The following TP63 variants were observed in gnomAD, a reference collection of about 807,000 sequenced individuals.
The protein encoded by TP63 is tumor protein 63.
In TP63, 17 loss-of-function variants were observed where a neutral mutation model predicts 82.8. The ratio of observed to expected loss-of-function variants is 0.21; its 90% CI spans 0.14 to 0.31. The LOEUF (loss-of-function observed/expected upper bound fraction) is 0.31, where lower values mean the gene tolerates loss of function less well. TP63 is among the 10% of genes least tolerant of loss of function. TP63 has a pLI of 1.00. For missense variants in TP63, 648 were observed against 895.3 expected (o/e 0.72, Z 3.52); for synonymous variants, 330 against 321.7 (o/e 1.03, Z -0.28).
intron 7 of TP63, 135 bp downstream of exon 7, chr3:189,868,077 C>A: frequency 1.3e-6 from 1 of 769,494 alleles, no homozygotes; most frequent in Non-Finnish European, 2.3e-6. Flanking sequence ...ATCCTTGCTA[C>A]AAACGGTTAC....
chr3:189,628,146 CA>C (rs1042472362), upstream of TP63, among the ~76,000 whole-genome samples: 2 of 151,874 alleles, frequency 1.3e-5, no homozygotes, highest in African/African-American at 4.8e-5. Context: ...TGACCTTACA[CA>C]AAAAAGTGCA....
At chr3:189,609,640 T>C in the TP63 span, among the ~76,000 whole-genome samples, 7 of 152,178 alleles carry the variant, frequency 4.6e-5, no homozygotes, top group Non-Finnish European at 1.0e-4. Context: ...GTATTTGTTT[T>C]TCTGTTCCTG....
intron 10 of TP63, among the ~76,000 whole-genome samples, chr3:189,883,197 A>T (rs1294518048): frequency 2.6e-5 from 4 of 152,076 alleles, no homozygotes; most frequent in Non-Finnish European, 5.9e-5. Context: ...TTTTTAAAAA[A>T]GGTTGTTCTT....
rs145119292 is a variant in TP63 at position 189,809,758 on chromosome 3, T to C, written c.579+1232T>C. 2.2e-4 allele frequency among the ~76,000 whole-genome samples: 33 copies of C among 152,348 alleles called. No individual in the cohort carries two copies. In the East Asian group the frequency reaches 6.2e-3, roughly 29 times the overall value. On this transcript the variant is annotated intron_variant, in intron 4 of 13. Coordinates refer to ENST00000264731, the MANE Select transcript of TP63 (RefSeq NM_003722.5). ...AAATGATCGGCATGCCTAAGACCTA[T>C]TACACTCTAACATCATTTCACATCC...
At chr3:189,679,177 G>A (rs1715701547) in intron 1 of TP63, among the ~76,000 whole-genome samples, 1 of 152,084 alleles carries the variant, frequency 6.6e-6, no homozygotes, top group Non-Finnish European at 1.5e-5. Flanking sequence ...GGACCATGAG[G>A]TAGTTTTATT....
chr3:189,684,816 G>A (rs1383761470), intron 1 of TP63, among the ~76,000 whole-genome samples: 1 of 151,844 alleles, frequency 6.6e-6, no homozygotes, highest in Non-Finnish European at 1.5e-5. Flanking sequence ...ATTTTTAGTA[G>A]AAATGGGGTT....
At position 189,894,456 on chromosome 3, in the gene TP63, A is replaced by T. The variant is rs2108874819; in HGVS notation, c.1997A>T (p.Asp666Val). The T allele has an allele frequency of 6.2e-7, 1 of 1,613,946 alleles. No homozygotes were observed. Among genetic ancestry groups the T allele is most frequent in the Non-Finnish European group, 8.5e-7 (1 of 1,179,990 alleles). The change falls in exon 14 of 14, where the codon GAT (aspartate) becomes GTT (valine). Residue 666 changes from aspartate to valine, a missense_variant. Transcript: ENST00000264731. ...TGGAATGACTTCAACTTTGACATGG[A>T]TGCTCGCCGCAATAAGCAACAGCGC... Reference protein sequence around the residue: ...DEWNDFNFDMDARRNKQQRIK... With the variant: ...DEWNDFNFDMVARRNKQQRIK...
intron 1 of TP63, among the ~76,000 whole-genome samples, chr3:189,658,025 C>G (rs928489732): frequency 1.3e-5 from 2 of 151,940 alleles, no homozygotes; most frequent in Non-Finnish European, 2.9e-5. Context: ...AATTCTCAAA[C>G]TAGGGTAAGA....
At chr3:189,840,873 A>C (rs995903029) in intron 4 of TP63, among the ~76,000 whole-genome samples, 1 of 151,742 alleles carries the variant, frequency 6.6e-6, no homozygotes, top group Non-Finnish European at 1.5e-5. Context: ...AAAAAAAAAA[A>C]AAAAACAACT....
chr3:189,820,431 G>A (rs1171376390), intron 4 of TP63, among the ~76,000 whole-genome samples: 1 of 152,202 alleles, frequency 6.6e-6, no homozygotes, highest in Non-Finnish European at 1.5e-5. Context: ...GTAGACATGG[G>A]GTTAGTAGGT....
chr3:189,716,012 C>G (rs571634978), intron 1 of TP63, among the ~76,000 whole-genome samples: 1 of 152,264 alleles, frequency 6.6e-6, no homozygotes, highest in East Asian at 1.9e-4. Flanking sequence ...ATACTAAAAA[C>G]TATATACATC....
At chr3:189,733,802 T>C (rs570636217) in intron 1 of TP63, among the ~76,000 whole-genome samples, 20 of 152,304 alleles carry the variant, frequency 1.3e-4, no homozygotes, top group African/African-American at 4.1e-4. Context: ...CTCTACTTAC[T>C]ATTTGGCAGT....
At chr3:189,604,149 G>C in the TP63 span, among the ~76,000 whole-genome samples, 2 of 152,118 alleles carry the variant, frequency 1.3e-5, no homozygotes, top group Admixed American at 1.3e-4. Context: ...TCTTAGATCT[G>C]CTACCTCCTT....
At chr3:189,601,028 G>GT in the TP63 span, among the ~76,000 whole-genome samples, 1 of 152,138 alleles carries the variant, frequency 6.6e-6, no homozygotes, top group Non-Finnish European at 1.5e-5. Context: ...TTGTGATTTG[G>GT]TATTTGCACA....
the TP63 span, among the ~76,000 whole-genome samples, chr3:189,625,895 G>A: frequency 6.6e-6 from 1 of 152,108 alleles, no homozygotes. Context: ...AGGTTTGTCT[G>A]TTAAAGAAAC....
At chr3:189,744,927 T>C (rs984765895) in intron 3 of TP63, among the ~76,000 whole-genome samples, 5 of 152,096 alleles carry the variant, frequency 3.3e-5, no homozygotes, top group Admixed American at 1.3e-4. Flanking sequence ...CTACCGGGTG[T>C]CTAAAACCCA....
intron 13 of TP63, 21 bp downstream of exon 13, chr3:189,890,903 T>G: frequency 1.2e-6 from 2 of 1,606,318 alleles, no homozygotes; most frequent in East Asian, 4.5e-5. Context: ...GTTAGACTTT[T>G]CTCAAATTTT....
At chr3:189,747,794 T>C (rs1042652456) in intron 3 of TP63, among the ~76,000 whole-genome samples, 3 of 151,740 alleles carry the variant, frequency 2.0e-5, no homozygotes, top group Admixed American at 6.6e-5. Context: ...AAACCAAAAG[T>C]TGGCTTTTTG....
chr3:189,668,409 G>C (rs1714597983), intron 1 of TP63, among the ~76,000 whole-genome samples: 1 of 152,014 alleles, frequency 6.6e-6, no homozygotes, highest in African/African-American at 2.4e-5. Context: ...TGCTTTTAAT[G>C]TTATATAGAT....
Sources: allele counts gnomAD v4.1 joint callset (sites outside exome capture counted in the v4.1 genomes callset), GRCh38; gene constraint gnomAD v4.1.1; transcripts MANE v1.5; gene names NCBI Gene and HGNC (gene_info 2026-07-23, HGNC 2026-07-21).